SHISA9: variants seen among roughly 807,000 people sequenced by gnomAD.
SHISA9 encodes protein shisa-9.
In SHISA9, 13 loss-of-function variants were observed where a neutral mutation model predicts 38.0. The ratio of observed to expected loss-of-function variants is 0.34; its 90% CI spans 0.22 to 0.54. The LOEUF (loss-of-function observed/expected upper bound fraction) is 0.54, where lower values mean the gene tolerates loss of function less well. Among genes scored for constraint, SHISA9 ranks in the 20% least tolerant of loss-of-function variants. SHISA9 has a pLI of 0.91. For synonymous variants in SHISA9, 275 were observed against 242.0 expected (o/e 1.14, Z -1.27); for missense variants, 538 against 575.8 (o/e 0.93, Z 0.67).
At chr16:12,955,709 G>T (rs2071823531) in intron 2 of SHISA9, among the ~76,000 whole-genome samples, 2 of 150,354 alleles carry the variant, frequency 1.3e-5, no homozygotes, top group South Asian at 4.2e-4. Context: ...GCCATATGCA[G>T]AAAAATAAAA....
the SHISA9 span, among the ~76,000 whole-genome samples, chr16:13,433,400 A>T: frequency 0.32 from 48,013 of 152,132 alleles, 7,973 homozygotes; most frequent in South Asian, 0.5. Flanking sequence ...AAGTACTTAG[A>T]AAAATGTAGT....
chr16:13,355,536 G>T, the SHISA9 span, among the ~76,000 whole-genome samples: 1 of 152,130 alleles, frequency 6.6e-6, no homozygotes, highest in Admixed American at 6.5e-5. Context: ...AAGTGTCTCA[G>T]CCTAATAAGG....
chr16:12,929,861 C>T (rs1369380699), intron 2 of SHISA9, among the ~76,000 whole-genome samples: 1 of 152,118 alleles, frequency 6.6e-6, no homozygotes, highest in African/African-American at 2.4e-5. Flanking sequence ...AGGGGTTTTA[C>T]ATACGCTCTT....
chr16:13,052,270 C>T (rs915414174), intron 2 of SHISA9, among the ~76,000 whole-genome samples: 1 of 152,198 alleles, frequency 6.6e-6, no homozygotes, highest in African/African-American at 2.4e-5. Context: ...GATTTAGAGA[C>T]ATTTTCCCCC....
intron 2 of SHISA9, among the ~76,000 whole-genome samples, chr16:12,943,849 C>G (rs751841713): frequency 1.3e-5 from 2 of 152,198 alleles, no homozygotes; most frequent in Non-Finnish European, 2.9e-5. Context: ...AAGACACTAG[C>G]TCAGGGTTCA....
intron 2 of SHISA9, among the ~76,000 whole-genome samples, chr16:13,175,227 A>G (rs56150157): frequency 0.021 from 3,129 of 152,086 alleles, 52 homozygotes; most frequent in Non-Finnish European, 0.027. Flanking sequence ...AGAAAAAAAA[A>G]GAAAAGAAAA....
the SHISA9 span, among the ~76,000 whole-genome samples, chr16:13,469,420 A>G: frequency 3.7e-3 from 426 of 114,294 alleles, 2 homozygotes; most frequent in Non-Finnish European, 6.5e-3. Flanking sequence ...AAAGAAAGAA[A>G]GAAAAAGAAA....
chr16:12,968,268 C>T (rs2072008198), intron 2 of SHISA9, among the ~76,000 whole-genome samples: 1 of 139,876 alleles, frequency 7.1e-6, no homozygotes, highest in South Asian at 2.4e-4. Flanking sequence ...ATATAAATCA[C>T]AGTCTCAAGG....
chr16:13,109,172 A>T (rs1299411779), intron 2 of SHISA9, among the ~76,000 whole-genome samples: 1 of 152,054 alleles, frequency 6.6e-6, no homozygotes, highest in Non-Finnish European at 1.5e-5. Context: ...GACTACAGAT[A>T]TGTGCCATCA....
intron 2 of SHISA9, among the ~76,000 whole-genome samples, chr16:13,066,176 A>G (rs566006219): frequency 1.5e-4 from 23 of 152,238 alleles, no homozygotes; most frequent in African/African-American, 4.6e-4. Flanking sequence ...ATGCATGGAG[A>G]TGGCACTTTT....
the SHISA9 span, among the ~76,000 whole-genome samples, chr16:13,267,189 G>A: frequency 6.6e-6 from 1 of 152,120 alleles, no homozygotes; most frequent in Admixed American, 6.6e-5. Flanking sequence ...TTAACATCAA[G>A]AGCCTATAGA....
At chr16:13,382,322 G>C in the SHISA9 span, among the ~76,000 whole-genome samples, 17 of 151,998 alleles carry the variant, frequency 1.1e-4, no homozygotes, top group African/African-American at 4.1e-4. Context: ...GAGGACAGGA[G>C]TTCGAGACCA....
the SHISA9 span, among the ~76,000 whole-genome samples, chr16:13,297,337 G>A: frequency 1.5e-3 from 227 of 152,288 alleles, 1 homozygote; most frequent in Admixed American, 3.1e-3. Context: ...TAAGACTGTT[G>A]ATAATTTGGC....
intron 2 of SHISA9, among the ~76,000 whole-genome samples, chr16:12,979,915 T>C (rs1272406395): frequency 6.6e-6 from 1 of 152,214 alleles, no homozygotes; most frequent in African/African-American, 2.4e-5. Context: ...AGGTTGATAT[T>C]ATCTATTCTC....
intron 2 of SHISA9, among the ~76,000 whole-genome samples, chr16:12,959,854 A>G (rs1567353089): frequency 1.3e-5 from 2 of 152,174 alleles, no homozygotes; most frequent in Admixed American, 1.3e-4. Flanking sequence ...CACTCTACAT[A>G]TGAGTTTGGG....
At chr16:13,067,908 G>T (rs2073453247) in intron 2 of SHISA9, among the ~76,000 whole-genome samples, 1 of 152,202 alleles carries the variant, frequency 6.6e-6, no homozygotes, top group Non-Finnish European at 1.5e-5. Context: ...TCTCACTTGA[G>T]ATGTCACTTC....
chr16:13,220,272 G>A (rs1301390838), intron 4 of SHISA9, among the ~76,000 whole-genome samples: 1 of 152,132 alleles, frequency 6.6e-6, no homozygotes, highest in Non-Finnish European at 1.5e-5. Flanking sequence ...TGACTTGGGT[G>A]ACTTGACTCT....
intron 2 of SHISA9, among the ~76,000 whole-genome samples, chr16:13,112,027 C>T (rs541702077): frequency 5.9e-5 from 9 of 152,308 alleles, no homozygotes; most frequent in Admixed American, 3.3e-4. Context: ...GGCCTTTGCT[C>T]TTTCCCATTT....
At chr16:13,045,763 T>TCC (rs2073180911) in intron 2 of SHISA9, among the ~76,000 whole-genome samples, 1 of 151,522 alleles carries the variant, frequency 6.6e-6, no homozygotes, top group Non-Finnish European at 1.5e-5. Context: ...CTGCCCCCAC[T>TCC]GTGTCCCCCA....
Sources: allele counts gnomAD v4.1 joint callset (sites outside exome capture counted in the v4.1 genomes callset), GRCh38; gene constraint gnomAD v4.1.1; transcripts MANE v1.5; gene names NCBI Gene and HGNC (gene_info 2026-07-23, HGNC 2026-07-21).